The following CDH18 variants were observed in gnomAD, a reference collection of about 807,000 sequenced individuals.
The protein encoded by CDH18 is cadherin 18.
A neutral mutation model predicts 67.9 loss-of-function variants in CDH18; 31 were observed. That is an observed-to-expected ratio of 0.46 (90% confidence interval 0.34 to 0.62). CDH18 has a LOEUF of 0.62. Among genes scored for constraint, CDH18 ranks in the 20% least tolerant of loss-of-function variants. CDH18 has a pLI of 0.01. For missense variants in CDH18, 890 were observed against 975.5 expected (o/e 0.91, Z 1.17); for synonymous variants, 362 against 347.2 (o/e 1.04, Z -0.48).
At chr5:19,797,207 T>C (rs1422786719) in intron 3 of CDH18, among the ~76,000 whole-genome samples, 2 of 151,928 alleles carry the variant, frequency 1.3e-5, no homozygotes, top group Non-Finnish European at 2.9e-5. Context: ...TACTATACCA[T>C]GTAAATTTTT....
At chr5:19,573,291 T>A (rs1047076537) in intron 7 of CDH18, among the ~76,000 whole-genome samples, 1 of 152,120 alleles carries the variant, frequency 6.6e-6, no homozygotes, top group East Asian at 1.9e-4. Flanking sequence ...ACTCTTTTTT[T>A]TTTTTGAGAC....
At chr5:19,547,485 C>T (rs1340649916) in intron 8 of CDH18, among the ~76,000 whole-genome samples, 1 of 152,168 alleles carries the variant, frequency 6.6e-6, no homozygotes, top group Non-Finnish European at 1.5e-5. Context: ...CACCTTACAA[C>T]TGTCAGTCTG....
intron 4 of CDH18, among the ~76,000 whole-genome samples, chr5:19,738,391 T>C (rs868644659): frequency 6.6e-6 from 1 of 152,310 alleles, no homozygotes; most frequent in East Asian, 1.9e-4. Flanking sequence ...CAATGATCCA[T>C]TGATCACTGC....
chr5:19,509,824 A>G (rs1744840100), intron 10 of CDH18, among the ~76,000 whole-genome samples: 1 of 152,092 alleles, frequency 6.6e-6, no homozygotes, highest in Non-Finnish European at 1.5e-5. Flanking sequence ...TACTTTGGGA[A>G]CTGTCTTCAA....
At chr5:20,090,466 C>T (rs1197721788) in intron 2 of CDH18, among the ~76,000 whole-genome samples, 1 of 151,990 alleles carries the variant, frequency 6.6e-6, no homozygotes, top group East Asian at 1.9e-4. Flanking sequence ...ACCTGGGAGG[C>T]AGAGGCTGCA....
At chr5:19,635,470 T>C (rs1189102715) in intron 5 of CDH18, among the ~76,000 whole-genome samples, 1 of 152,204 alleles carries the variant, frequency 6.6e-6, no homozygotes, top group Non-Finnish European at 1.5e-5. Context: ...AGAACCATTC[T>C]GGCAGATCAG....
chr5:20,219,548 A>G (rs1240918444), intron 2 of CDH18, among the ~76,000 whole-genome samples: 1 of 151,624 alleles, frequency 6.6e-6, no homozygotes, highest in African/African-American at 2.4e-5. Flanking sequence ...ACAAATCAGA[A>G]CAATATTCCT....
At chr5:20,415,931 A>G (rs975219067) in intron 1 of CDH18, among the ~76,000 whole-genome samples, 2 of 152,148 alleles carry the variant, frequency 1.3e-5, no homozygotes, top group African/African-American at 2.4e-5. Flanking sequence ...TGTTATATTA[A>G]AAATAGCCAA....
At chr5:19,884,035 T>A (rs1787937042) in intron 2 of CDH18, among the ~76,000 whole-genome samples, 1 of 152,168 alleles carries the variant, frequency 6.6e-6, no homozygotes, top group African/African-American at 2.4e-5. Flanking sequence ...CAGTAAAGCA[T>A]GGGTTGTCAG....
chr5:19,917,075 G>A (rs1791881729), intron 2 of CDH18, among the ~76,000 whole-genome samples: 1 of 152,228 alleles, frequency 6.6e-6, no homozygotes, highest in Non-Finnish European at 1.5e-5. Context: ...CATACATCTT[G>A]TCTAAATATT....
At chr5:20,041,428 T>C (rs1200706182) in intron 2 of CDH18, among the ~76,000 whole-genome samples, 1 of 152,220 alleles carries the variant, frequency 6.6e-6, no homozygotes, top group Non-Finnish European at 1.5e-5. Flanking sequence ...GTCTCACAGA[T>C]TGTTAACTTC....
At chr5:20,522,406 G>T (rs995149609) in intron 1 of CDH18, among the ~76,000 whole-genome samples, 1 of 152,120 alleles carries the variant, frequency 6.6e-6, no homozygotes, top group South Asian at 2.1e-4. Context: ...TATATGATAA[G>T]AATGAATCTT....
At chr5:20,417,249 A>AT (rs1747392242) in intron 1 of CDH18, among the ~76,000 whole-genome samples, 1 of 152,184 alleles carries the variant, frequency 6.6e-6, no homozygotes, top group Admixed American at 6.5e-5. Flanking sequence ...GAAAGTATGT[A>AT]TTATAAATAT....
chr5:20,162,593 A>G (rs2126616474), intron 2 of CDH18, among the ~76,000 whole-genome samples: 1 of 150,532 alleles, frequency 6.6e-6, no homozygotes, highest in Non-Finnish European at 1.5e-5. Context: ...GGCCTTTGGT[A>G]CCATGGAGGT....
chr5:20,308,587 G>A (rs1423123593), intron 1 of CDH18, among the ~76,000 whole-genome samples: 2 of 151,696 alleles, frequency 1.3e-5, no homozygotes, highest in Middle Eastern at 3.4e-3. Flanking sequence ...GAGAGGTGAA[G>A]TAGTTGCATT....
At chr5:20,195,139 A>T (rs1358460613) in intron 2 of CDH18, among the ~76,000 whole-genome samples, 1 of 152,062 alleles carries the variant, frequency 6.6e-6, no homozygotes, top group Non-Finnish European at 1.5e-5. Context: ...AAAACAGTCA[A>T]TTTTGTGTGT....
intron 5 of CDH18, among the ~76,000 whole-genome samples, chr5:19,639,910 G>A (rs1561523256): frequency 6.6e-6 from 1 of 152,274 alleles, no homozygotes; most frequent in East Asian, 1.9e-4. Flanking sequence ...ATTACCATAA[G>A]GCTATCAATG....
chr5:19,718,626 T>C (rs1352629390), intron 5 of CDH18, among the ~76,000 whole-genome samples: 1 of 151,932 alleles, frequency 6.6e-6, no homozygotes, highest in African/African-American at 2.4e-5. Context: ...ACTGTCTAAC[T>C]CTCTAAGATA....
chr5:19,923,738 C>G (rs1203533913), intron 2 of CDH18, among the ~76,000 whole-genome samples: 1 of 152,082 alleles, frequency 6.6e-6, no homozygotes, highest in Non-Finnish European at 1.5e-5. Flanking sequence ...TTGTAAAGCC[C>G]TAAATATTGT....
Sources: gnomAD v4.1 joint callset for allele counts (sites outside exome capture counted in the v4.1 genomes callset) on GRCh38, gnomAD v4.1.1 for gene constraint, MANE v1.5 for transcripts, NCBI Gene and HGNC (gene_info 2026-07-23, HGNC 2026-07-21) for gene names.